Variants in ADGRD1 observed in about 807,000 individuals in gnomAD.
The protein encoded by ADGRD1 is adhesion G protein-coupled receptor D1, also known as G-protein coupled receptor 133.
Under a neutral mutation model 113.4 loss-of-function variants are expected in ADGRD1, and 77 were observed. The observed-to-expected ratio is 0.68, with a 90% CI of 0.57 to 0.82. The LOEUF is 0.82. ADGRD1 is among the 40% of genes least tolerant of loss of function. The pLI is 0.00. For missense variants in ADGRD1, 1,036 were observed against 1,139.1 expected (o/e 0.91, Z 1.30); for synonymous variants, 474 against 475.0 (o/e 1.00, Z 0.03).
At position 131,076,806 on chromosome 12, in the gene ADGRD1, T is replaced by G; in HGVS notation, c.1479T>G (p.Arg493=). The change falls in exon 14 of 25, where the codon CGT becomes CGG. Residue 493 remains arginine, a synonymous_variant. Coordinates refer to ENST00000261654, the MANE Select transcript of ADGRD1 (RefSeq NM_198827.5). The part of the protein sequence containing the change: ...ITVHLKHRLT[R]KQHSEATNSS... ...TTTGCTTTCTTTCATTTCAGACACG[T>G]AAGCAGCACAGTGAGGCCACCAACA... 1 of 1,613,986 alleles carries G rather than the reference T, an allele frequency of 6.2e-7. No homozygotes were observed. Among genetic ancestry groups the G allele is most frequent in the Non-Finnish European group, 8.5e-7 (1 of 1,179,866 alleles).
chr12:130,987,461 G>C (rs12826218), intron 6 of ADGRD1, 112 bp downstream of exon 6: 133,381 of 1,208,528 alleles, frequency 0.11, 8,123 homozygotes, highest in Middle Eastern at 0.15. Context: ...CTGCAGGCGT[G>C]AGATGTGTCC....
In ADGRD1 at chr12:131,060,732, A is replaced by G. The variant is rs1416583099; in HGVS notation, c.1474-16069A>G. On this transcript the variant is annotated intron_variant, in intron 13 of 24. Transcript: ENST00000261654. This position sits in a 1 kb window ranked among gnomAD's most constrained non-coding sequence, Gnocchi z 4.4. Reference sequence around the variant, plus strand: ...CATCTTCCCTCACGTATCAGTAGCTACCCCTGGATTCTTTTGATCAAAAAC... The same window carrying G: ...CATCTTCCCTCACGTATCAGTAGCTGCCCCTGGATTCTTTTGATCAAAAAC... Among the ~76,000 whole-genome samples, 1 of 152,024 alleles carries G rather than the reference A, an allele frequency of 6.6e-6. No individual in the cohort carries two copies. Among genetic ancestry groups the G allele is most frequent in the East Asian group, 1.9e-4 (1 of 5,176 alleles).
At position 131,128,539 on chromosome 12, in the gene ADGRD1, A is replaced by G. The variant is rs144703952; in HGVS notation, c.2176-3186A>G. Reference sequence around the variant, plus strand: ...ATTGTTTAAAACTAAAATTTAAAGAATCTGATTTATGAAATGGCAACACAA... The same window carrying G: ...ATTGTTTAAAACTAAAATTTAAAGAGTCTGATTTATGAAATGGCAACACAA... On this transcript the variant is annotated intron_variant, in intron 20 of 24. Transcript: ENST00000261654. Among the ~76,000 whole-genome samples the G allele has an allele frequency of 4.1e-3, 620 of 152,308 alleles. 4 individuals are homozygous for G. Among genetic ancestry groups the G allele is most frequent in the Non-Finnish European group, 7.0e-3 (479 of 68,024 alleles).
At chr12:131,054,780 C>T (rs963564034) in intron 13 of ADGRD1, among the ~76,000 whole-genome samples, 1 of 152,220 alleles carries the variant, frequency 6.6e-6, no homozygotes, top group African/African-American at 2.4e-5. Flanking sequence ...CCCCTCGCTG[C>T]TGCAGCGTCT....
Position 130,987,218 on chromosome 12 carries a change from A to C in ADGRD1, c.614A>C (p.Asn205Thr), listed in dbSNP as rs746373801. 19 of 1,614,224 alleles carry C rather than the reference A, an allele frequency of 1.2e-5. No individual in the cohort carries two copies. Among genetic ancestry groups the C allele is most frequent in the Non-Finnish European group, 1.6e-5 (19 of 1,180,026 alleles). ...GTGTCTCGTGACTATGGAGAGTCCA[A>C]CGTCAACCTCGTGATAGGGTCTGAG... Reference protein sequence around the residue: ...GKVSRDYGESNVNLVIGSEQD... With the variant: ...GKVSRDYGESTVNLVIGSEQD... Residue 205 changes from asparagine to threonine, a missense_variant, in exon 6 of 25, where the codon AAC (asparagine) becomes ACC (threonine). Asn to Thr is a moderately conservative substitution (Grantham distance 65). Coordinates refer to ENST00000261654, the MANE Select transcript of ADGRD1 (RefSeq NM_198827.5).
chr12:131,127,080 A>T (rs970544829), intron 20 of ADGRD1, among the ~76,000 whole-genome samples: 1 of 152,140 alleles, frequency 6.6e-6, no homozygotes, highest in Non-Finnish European at 1.5e-5. Context: ...GATGGAAAAA[A>T]TGTGCCTGGA....
intron 13 of ADGRD1, among the ~76,000 whole-genome samples, chr12:131,037,138 G>C (rs189484181): frequency 1.9e-3 from 270 of 141,174 alleles, no homozygotes; most frequent in African/African-American, 6.8e-3. Context: ...ACTGCACCGG[G>C]CCTCACTCAC....
chr12:131,007,415 A>G (rs370353613), intron 12 of ADGRD1, among the ~76,000 whole-genome samples: 10 of 152,356 alleles, frequency 6.6e-5, no homozygotes, highest in African/African-American at 2.4e-4. Context: ...GATCTTTGCC[A>G]GACCCTCTAT....
At chr12:131,065,894 C>T (rs1293936535) in intron 13 of ADGRD1, among the ~76,000 whole-genome samples, 3 of 152,294 alleles carry the variant, frequency 2.0e-5, no homozygotes, top group East Asian at 1.9e-4. Context: ...GGGCCCTCTC[C>T]GGGGGTGGAG....
chr12:131,128,852 CTG>C (rs1282420795), intron 20 of ADGRD1, among the ~76,000 whole-genome samples: 1 of 151,668 alleles, frequency 6.6e-6, no homozygotes, highest in Non-Finnish European at 1.5e-5. Context: ...GCCCTGCTGT[CTG>C]GGTGTGGACG....
intron 13 of ADGRD1, among the ~76,000 whole-genome samples, chr12:131,051,941 T>C (rs1187633669): frequency 1.3e-5 from 2 of 152,196 alleles, no homozygotes; most frequent in African/African-American, 4.8e-5. Context: ...CAAGTTTGCT[T>C]CAAAGGATGT....
chr12:130,971,806 T>C lies in ADGRD1; in HGVS notation c.310+226T>C, dbSNP rs1030838758. On this transcript the variant is annotated intron_variant, in intron 4 of 24. Transcript: ENST00000261654. The surrounding 1 kb of genome is among the most constrained non-coding windows in gnomAD (Gnocchi z 4.2). ...AAGTTATAACATCCTCTTACAGAGA[T>C]GTGAGATCAAAATACTTAATCTTGT... 4.6e-5 allele frequency among the ~76,000 whole-genome samples: 7 copies of C among 152,020 alleles called. No homozygotes were observed. Among genetic ancestry groups the C allele is most frequent in the African/African-American group, 1.4e-4 (6 of 41,380 alleles).
chr12:131,124,917 C>G (rs1201510672), intron 20 of ADGRD1, among the ~76,000 whole-genome samples: 1 of 152,190 alleles, frequency 6.6e-6, no homozygotes, highest in Admixed American at 6.5e-5. Flanking sequence ...ACAGGCTGCA[C>G]AGCTTAAACA....
chr12:130,972,136 G>C (rs910621353), intron 4 of ADGRD1, among the ~76,000 whole-genome samples: 1 of 152,198 alleles, frequency 6.6e-6, no homozygotes, highest in African/African-American at 2.4e-5. Context: ...ACTGGCAATC[G>C]ACTTGCTTTC....
intron 20 of ADGRD1, among the ~76,000 whole-genome samples, chr12:131,126,546 G>C (rs917816221): frequency 2.0e-5 from 3 of 152,190 alleles, no homozygotes; most frequent in African/African-American, 7.2e-5. Context: ...GTGGTGTCCA[G>C]CTCAGTGTTT....
chr12:130,954,669 GT>G lies in ADGRD1; in HGVS notation c.103+12del. Reference sequence around the variant, plus strand: ...ATCGCAGGACCATCCAGGTAAGAGTGTTTCCTTCTCACTCTGAGCACCGCTC... The same window carrying G: ...ATCGCAGGACCATCCAGGTAAGAGTGTTCCTTCTCACTCTGAGCACCGCTC... On this transcript the variant is annotated intron_variant, in intron 2 of 24. Coordinates refer to ENST00000261654, the MANE Select transcript of ADGRD1 (RefSeq NM_198827.5). This position sits in a 1 kb window ranked among gnomAD's most constrained non-coding sequence, Gnocchi z 4.7. 1.2e-6 allele frequency: 2 copies of G among 1,612,090 alleles called. No homozygotes were observed. The highest frequency in any genetic ancestry group is 1.1e-5 in the South Asian group (1 of 90,996).
rs1164134817 is a variant in ADGRD1 at position 131,140,266 on chromosome 12, G to A, written c.*1003G>A. Reference sequence around the variant, plus strand: ...TTTCTAATGGGCAGACCACGCGGCAGGTAGCACAGTGCGCTCCGTCTGGTC... The same window carrying A: ...TTTCTAATGGGCAGACCACGCGGCAAGTAGCACAGTGCGCTCCGTCTGGTC... On this transcript the variant is annotated 3_prime_UTR_variant, in exon 25 of 25. Transcript: ENST00000261654. 2 of 152,204 alleles carry A rather than the reference G, an allele frequency of 1.3e-5. No homozygotes were observed. The highest frequency in any genetic ancestry group is 3.9e-4 in the East Asian group (2 of 5,184). The allele number at this position is 152,204 out of a possible 1,614,324, so 9.4% of individuals were successfully genotyped here. A position where few individuals can be genotyped will look rare whatever the true frequency, so the allele number is the denominator to read the frequency against.
rs1411619466 is a variant in ADGRD1 at position 131,026,578 on chromosome 12, G to T, written c.1473+12238G>T. On this transcript the variant is annotated intron_variant, in intron 13 of 24. Coordinates refer to ENST00000261654, the MANE Select transcript of ADGRD1 (RefSeq NM_198827.5). ...TCCAGACTTTGGCCTTTTGAAGTTG[G>T]CTTGTGTTTCTGGGGCTTAATCTTC... The T allele has an allele frequency of 2.0e-5, 3 of 152,540 alleles. No homozygotes were observed. In the East Asian group the frequency reaches 5.8e-4, roughly 29 times the overall value. 9.4% of individuals were successfully genotyped at this position (152,540 alleles called of 1,614,324 possible).
intron 13 of ADGRD1, among the ~76,000 whole-genome samples, chr12:131,039,414 C>G (rs950465826): frequency 6.6e-6 from 1 of 152,258 alleles, no homozygotes; most frequent in Non-Finnish European, 1.5e-5. Flanking sequence ...ATTTCCCGGT[C>G]TAGACCATCT....
Sources: allele counts gnomAD v4.1 joint callset (sites outside exome capture counted in the v4.1 genomes callset), GRCh38; gene constraint gnomAD v4.1.1; non-coding constraint Gnocchi (gnomAD v3.1); transcripts MANE v1.5; gene names NCBI Gene and HGNC (gene_info 2026-07-23, HGNC 2026-07-21).